Variants in TAFA4 observed in about 807,000 individuals in gnomAD.
The protein encoded by TAFA4 is chemokine-like protein TAFA-4.
A neutral mutation model predicts 21.1 loss-of-function variants in TAFA4; 20 were observed. The observed-to-expected ratio is 0.95, with a 90% CI of 0.67 to 1.38. TAFA4 has a LOEUF of 1.38. Among genes scored for constraint, TAFA4 ranks in the 40% most tolerant of loss-of-function variants. The probability of loss-of-function intolerance (pLI) is 0.00; values close to 1 mark genes in which losing one functional copy is unlikely to be tolerated. For synonymous variants in TAFA4, 71 were observed against 67.4 expected, an observed-to-expected ratio of 1.05 and a Z score of -0.26; for missense variants, 211 against 180.9, an observed-to-expected ratio of 1.17 and a Z score of -0.95.
chr3:68,863,241 G>C (rs950650345), intron 3 of TAFA4, among the ~76,000 whole-genome samples: 1 of 151,882 alleles, frequency 6.6e-6, no homozygotes, highest in East Asian at 1.9e-4. Flanking sequence ...GTGAGACCCT[G>C]TCTCAAAAAA....
At chr3:68,806,966 C>T (rs1168285192) in intron 3 of TAFA4, among the ~76,000 whole-genome samples, 1 of 152,202 alleles carries the variant, frequency 6.6e-6, no homozygotes, top group Non-Finnish European at 1.5e-5. Flanking sequence ...GTACCAGAAA[C>T]TAGTCTAGGA....
chr3:68,807,857 G>C (rs1703737134), intron 3 of TAFA4, among the ~76,000 whole-genome samples: 1 of 152,124 alleles, frequency 6.6e-6, no homozygotes, highest in African/African-American at 2.4e-5. Context: ...CATTCACAAA[G>C]ATTTGACATA....
chr3:68,919,295 C>A (rs1348403247), intron 1 of TAFA4, among the ~76,000 whole-genome samples: 1 of 152,198 alleles, frequency 6.6e-6, no homozygotes, highest in Non-Finnish European at 1.5e-5. Context: ...CAGGACAGAG[C>A]AGACAGGAGT....
intron 3 of TAFA4, among the ~76,000 whole-genome samples, chr3:68,804,022 A>G (rs572154555): frequency 6.6e-6 from 1 of 151,908 alleles, no homozygotes; most frequent in East Asian, 1.9e-4. Context: ...TCCTGACCTC[A>G]GGTGATCCAC....
chr3:68,912,477 G>A (rs919274490), intron 1 of TAFA4, among the ~76,000 whole-genome samples: 1 of 152,172 alleles, frequency 6.6e-6, no homozygotes, highest in African/African-American at 2.4e-5. Context: ...ACTATATTGG[G>A]TTTTTATTTT....
chr3:68,881,434 A>C (rs747638560), intron 2 of TAFA4, among the ~76,000 whole-genome samples: 1 of 152,210 alleles, frequency 6.6e-6, no homozygotes, highest in Non-Finnish European at 1.5e-5. Context: ...GCTCAAAAAC[A>C]ATTCCGTTCA....
intron 1 of TAFA4, among the ~76,000 whole-genome samples, chr3:68,921,568 T>C (rs2090061377): frequency 6.6e-6 from 1 of 152,172 alleles, no homozygotes; most frequent in South Asian, 2.1e-4. Flanking sequence ...AAACTTTCCA[T>C]ACCCCCTCAA....
intron 3 of TAFA4, among the ~76,000 whole-genome samples, chr3:68,808,629 A>G (rs563150494): frequency 4.6e-5 from 7 of 152,300 alleles, no homozygotes; most frequent in African/African-American, 9.6e-5. Context: ...CTAATACTCT[A>G]AACTCTAGAC....
At chr3:68,846,853 C>T (rs1269208144) in intron 3 of TAFA4, among the ~76,000 whole-genome samples, 1 of 152,128 alleles carries the variant, frequency 6.6e-6, no homozygotes, top group Non-Finnish European at 1.5e-5. Context: ...GTGGAGGCTG[C>T]AGAACAGCAA....
intron 3 of TAFA4, among the ~76,000 whole-genome samples, chr3:68,849,636 C>G (rs1277986756): frequency 1.3e-5 from 2 of 152,192 alleles, no homozygotes; most frequent in Non-Finnish European, 2.9e-5. Context: ...TGTGGAGAAC[C>G]ACCACCTAAC....
At chr3:68,865,331 C>T (rs1332130983) in intron 3 of TAFA4, among the ~76,000 whole-genome samples, 1 of 151,878 alleles carries the variant, frequency 6.6e-6, no homozygotes, top group Non-Finnish European at 1.5e-5. Flanking sequence ...GGCTTTGACC[C>T]CACCCAAATC....
intron 3 of TAFA4, among the ~76,000 whole-genome samples, chr3:68,832,809 C>T (rs890884642): frequency 3.9e-5 from 6 of 152,240 alleles, no homozygotes; most frequent in Admixed American, 6.5e-5. Flanking sequence ...TCTAGAGAGG[C>T]AGTAGGCCTT....
intron 1 of TAFA4, among the ~76,000 whole-genome samples, chr3:68,907,031 C>CAA (rs34543200): frequency 2.5e-3 from 135 of 53,898 alleles, no homozygotes; most frequent in African/African-American, 6.1e-3. Flanking sequence ...GAGCCCGTCT[C>CAA]AAAAAAAAAA....
intron 3 of TAFA4, among the ~76,000 whole-genome samples, chr3:68,867,759 G>A (rs2220527): frequency 0.28 from 42,009 of 151,810 alleles, 6,938 homozygotes; most frequent in Non-Finnish European, 0.38. Context: ...ATCACTTATC[G>A]TTTATTTAAA....
At chr3:68,824,977 T>A (rs960069770) in intron 3 of TAFA4, among the ~76,000 whole-genome samples, 4 of 152,226 alleles carry the variant, frequency 2.6e-5, no homozygotes, top group Non-Finnish European at 4.4e-5. Flanking sequence ...AATGCTTTTT[T>A]AATTTTTATT....
intron 3 of TAFA4, among the ~76,000 whole-genome samples, chr3:68,788,730 G>C (rs140118530): frequency 1.3e-5 from 2 of 152,104 alleles, no homozygotes; most frequent in East Asian, 3.9e-4. Flanking sequence ...TCCTAGTTCA[G>C]CTTCCCAAGT....
chr3:68,837,922 A>G (rs1029583235), intron 3 of TAFA4, among the ~76,000 whole-genome samples: 52 of 152,126 alleles, frequency 3.4e-4, no homozygotes, highest in Admixed American at 9.8e-4. Flanking sequence ...TCTATGGTAT[A>G]CAACATTATG....
intron 3 of TAFA4, among the ~76,000 whole-genome samples, chr3:68,792,979 G>A (rs1703391041): frequency 6.6e-6 from 1 of 152,130 alleles, no homozygotes; most frequent in Non-Finnish European, 1.5e-5. Context: ...TCCTTATACA[G>A]CTGTGCTACT....
intron 3 of TAFA4, among the ~76,000 whole-genome samples, chr3:68,805,637 G>A (rs1439640254): frequency 6.6e-6 from 1 of 152,178 alleles, no homozygotes; most frequent in Non-Finnish European, 1.5e-5. Context: ...AAAAAATGGT[G>A]AGTTCCTGTC....
Sources: gnomAD v4.1 joint callset for allele counts (sites outside exome capture counted in the v4.1 genomes callset) on GRCh38, gnomAD v4.1.1 for gene constraint, MANE v1.5 for transcripts, NCBI Gene and HGNC (gene_info 2026-07-23, HGNC 2026-07-21) for gene names.